LINGO1: variants seen among roughly 807,000 people sequenced by gnomAD.
LINGO1 encodes leucine-rich repeat and immunoglobulin-like domain-containing nogo receptor-interacting protein 1.
In LINGO1, 11 loss-of-function variants were observed where a neutral mutation model predicts 37.3. The observed-to-expected ratio is 0.29, with a 90% CI of 0.19 to 0.49. The LOEUF (loss-of-function observed/expected upper bound fraction) is 0.49. Ranked by LOEUF, LINGO1 falls within the 20% of genes least tolerant of loss-of-function variation. LINGO1 has a pLI of 0.99. For synonymous variants in LINGO1, 387 were observed against 403.0 expected, an observed-to-expected ratio of 0.96 and a Z score of 0.48; for missense variants, 585 against 878.2, an observed-to-expected ratio of 0.67 and a Z score of 4.22.
At chr15:77,782,016 A>G (rs947877511) in intron 1 of LINGO1, among the ~76,000 whole-genome samples, 3 of 152,184 alleles carry the variant, frequency 2.0e-5, no homozygotes, top group Non-Finnish European at 2.9e-5. Flanking sequence ...CGAAATCAAC[A>G]AGCGTTCCAG....
chr15:77,679,831 G>A (rs1390209266), intron 2 of LINGO1, among the ~76,000 whole-genome samples: 1 of 152,136 alleles, frequency 6.6e-6, no homozygotes, highest in African/African-American at 2.4e-5. Context: ...GATGTGATCA[G>A]GATATTACAT....
At chr15:77,788,699 C>T (rs2076794470), upstream of LINGO1, 1 of 152,250 alleles carries the variant, frequency 6.6e-6, no homozygotes, top group South Asian at 2.1e-4. Flanking sequence ...CTTATTCATT[C>T]TCTCCTGTGA....
At chr15:77,656,663 C>T (rs1251299576) in intron 3 of LINGO1, among the ~76,000 whole-genome samples, 1 of 152,146 alleles carries the variant, frequency 6.6e-6, no homozygotes, top group Non-Finnish European at 1.5e-5. Context: ...GACTCCCAGT[C>T]CTGTCCTCGG....
chr15:77,652,519 TG>T (rs2074783045), intron 3 of LINGO1, among the ~76,000 whole-genome samples: 2 of 151,000 alleles, frequency 1.3e-5, no homozygotes, highest in African/African-American at 4.9e-5. Flanking sequence ...TGTGTGTGTG[TG>T]TGTGTGTGTG....
intron 1 of LINGO1, among the ~76,000 whole-genome samples, chr15:77,782,488 A>G (rs1596226161): frequency 6.6e-6 from 1 of 152,294 alleles, no homozygotes; most frequent in Non-Finnish European, 1.5e-5. Flanking sequence ...CTTGGACCAG[A>G]AGTGAGAAGG....
chr15:77,778,191 A>C (rs1366299670), intron 1 of LINGO1, among the ~76,000 whole-genome samples: 1 of 152,054 alleles, frequency 6.6e-6, no homozygotes, highest in Non-Finnish European at 1.5e-5. Context: ...CATCACTCCA[A>C]TCTGCCTCTG....
chr15:77,636,119 A>G (rs569830164), upstream of LINGO1, among the ~76,000 whole-genome samples: 3 of 152,356 alleles, frequency 2.0e-5, no homozygotes, highest in South Asian at 4.1e-4. Flanking sequence ...GACTTGCTCA[A>G]GTTCACTCTG....
At chr15:77,639,755 C>T (rs747488588) in intron 3 of LINGO1, among the ~76,000 whole-genome samples, 2 of 152,036 alleles carry the variant, frequency 1.3e-5, no homozygotes, top group Non-Finnish European at 2.9e-5. Context: ...AAAACAAGCC[C>T]CAAGCCCTAT....
upstream of LINGO1, among the ~76,000 whole-genome samples, chr15:77,789,450 T>C (rs1348514243): frequency 6.6e-6 from 1 of 151,894 alleles, no homozygotes. Flanking sequence ...CTACTAAAAA[T>C]ACAAAAATTA....
intron 1 of LINGO1, among the ~76,000 whole-genome samples, chr15:77,776,518 A>AAAGCAGGAAGGG (rs2076650289): frequency 2.0e-5 from 1 of 49,534 alleles, no homozygotes; most frequent in African/African-American, 7.9e-5. Flanking sequence ...GGAAGGCAGG[A>AAAGCAGGAAGGG]AGGGAGGAAG....
chr15:77,733,483 C>T (rs913936785), intron 2 of LINGO1, among the ~76,000 whole-genome samples: 11 of 152,176 alleles, frequency 7.2e-5, no homozygotes, highest in Non-Finnish European at 1.3e-4. Context: ...TGGCCAAGGG[C>T]GTGGCCTCCA....
chr15:77,777,626 TA>T (rs2076674769), intron 1 of LINGO1, among the ~76,000 whole-genome samples: 1 of 152,180 alleles, frequency 6.6e-6, no homozygotes, highest in African/African-American at 2.4e-5. Flanking sequence ...AAAAATTTTA[TA>T]AACAGAAATT....
Position 77,642,903 on chromosome 15 carries a change from C to T in LINGO1, c.-12-27003G>A, listed in dbSNP as rs141112500. ...GCCTTGGTCTATCCCGCTGAGGCCT[C>T]TTTGCAGATGCACAGAGAGGTGCCT... On this transcript the variant is annotated intron_variant, in intron 3 of 3. Coordinates refer to the LINGO1 transcript ENST00000559893. Among the ~76,000 whole-genome samples, 1,139 of 152,354 alleles carry T rather than the reference C, an allele frequency of 7.5e-3. 3 individuals are homozygous for T. Among genetic ancestry groups the T allele is most frequent in the Non-Finnish European group, 0.011 (757 of 68,030 alleles).
chr15:77,819,193 G>GGGCAGACACACCGGCTCCCCGGCC (rs2077075259), intron 1 of LINGO1: 1 of 141,594 alleles, frequency 7.1e-6, no homozygotes, highest in Admixed American at 7.0e-5. Context: ...CGCCGCCGGC[G>GGGCAGACACACCGGCTCCCCGGCC]GGCAGACACA....
chr15:77,662,818 A>G (rs1028428322), intron 3 of LINGO1, among the ~76,000 whole-genome samples: 18 of 152,246 alleles, frequency 1.2e-4, no homozygotes, highest in African/African-American at 4.3e-4. Context: ...CACACTGCAC[A>G]TGTGTATACC....
chr15:77,801,593 G>GTT (rs11390259), intron 1 of LINGO1, among the ~76,000 whole-genome samples: 27,845 of 147,748 alleles, frequency 0.19, 2,913 homozygotes, highest in Admixed American at 0.32. Context: ...GAGTTAATGG[G>GTT]TTTTTTTTTT....
At chr15:77,763,884 G>T (rs932879607) in intron 1 of LINGO1, among the ~76,000 whole-genome samples, 3 of 152,112 alleles carry the variant, frequency 2.0e-5, no homozygotes, top group Non-Finnish European at 4.4e-5. Flanking sequence ...CATGGGAAAA[G>T]GTGGCCGCTC....
At chr15:77,786,997 A>C (rs1453926736) in exon 1 of LINGO1, 1 of 152,280 alleles carries the variant, frequency 6.6e-6, no homozygotes. Context: ...TCAGCCCCGC[A>C]GGACCTGAGG....
At chr15:77,773,176 C>T (rs866023410) in intron 1 of LINGO1, among the ~76,000 whole-genome samples, 3 of 152,214 alleles carry the variant, frequency 2.0e-5, no homozygotes, top group Non-Finnish European at 2.9e-5. Flanking sequence ...CCTATAAGGC[C>T]TCAGTCTCCA....
Sources: gnomAD v4.1 joint callset for allele counts (sites outside exome capture counted in the v4.1 genomes callset) on GRCh38, gnomAD v4.1.1 for gene constraint, MANE v1.5 for transcripts, NCBI Gene and HGNC (gene_info 2026-07-23, HGNC 2026-07-21) for gene names.